The following ABCA13 variants were observed in gnomAD, a reference collection of about 807,000 sequenced individuals.
ABCA13 encodes ATP-binding cassette sub-family A member 13.
Under a neutral mutation model 478.7 loss-of-function variants are expected in ABCA13, and 476 were observed. That is an observed-to-expected ratio of 0.99 (90% CI 0.92 to 1.07). ABCA13 has a LOEUF of 1.07. Among genes scored for constraint, ABCA13 ranks in the 50% least tolerant of loss-of-function variants. The pLI, the probability that ABCA13 is intolerant of heterozygous loss-of-function variation, is 0.00. For missense variants in ABCA13, 6,060 were observed against 5,910.6 expected (o/e 1.03, Z -0.83); for synonymous variants, 2,252 against 2,158.9 (o/e 1.04, Z -1.20).
At chr7:48,631,275 A>AT (rs1355519206) in intron 59 of ABCA13, among the ~76,000 whole-genome samples, 1 of 151,872 alleles carries the variant, frequency 6.6e-6, no homozygotes, top group African/African-American at 2.4e-5. Context: ...TTCTTCTATG[A>AT]TTTTTTTAGT....
intron 59 of ABCA13, among the ~76,000 whole-genome samples, chr7:48,638,039 C>T (rs1297152997): frequency 6.6e-6 from 1 of 152,134 alleles, no homozygotes; most frequent in African/African-American, 2.4e-5. Flanking sequence ...CAGAATAGGG[C>T]CTTGCACAAG....
intron 55 of ABCA13, among the ~76,000 whole-genome samples, chr7:48,566,068 A>G (rs767002699): frequency 3.9e-5 from 6 of 152,112 alleles, no homozygotes; most frequent in Non-Finnish European, 7.4e-5. Context: ...TCAAATCAGG[A>G]CCATTGAGCT....
At chr7:48,400,382 C>A (rs539356975) in intron 38 of ABCA13, among the ~76,000 whole-genome samples, 1 of 152,316 alleles carries the variant, frequency 6.6e-6, no homozygotes, top group East Asian at 1.9e-4. Flanking sequence ...TTCTCTGGTG[C>A]ATAATTGGGT....
intron 3 of ABCA13, among the ~76,000 whole-genome samples, chr7:48,199,622 C>G (rs780248257): frequency 6.6e-6 from 1 of 152,114 alleles, no homozygotes; most frequent in Non-Finnish European, 1.5e-5. Flanking sequence ...TGAGACAAAT[C>G]ATATAGAAAT....
intron 41 of ABCA13, among the ~76,000 whole-genome samples, chr7:48,417,107 G>C (rs1820122212): frequency 6.6e-6 from 1 of 152,082 alleles, no homozygotes; most frequent in South Asian, 2.1e-4. Flanking sequence ...TGTTTCTAAA[G>C]TTTTGATTTT....
chr7:48,293,485 A>G (rs1213854450), intron 20 of ABCA13, among the ~76,000 whole-genome samples: 1 of 152,218 alleles, frequency 6.6e-6, no homozygotes, highest in Non-Finnish European at 1.5e-5. Context: ...ACCTGGAACT[A>G]TGCTTCCAAT....
chr7:48,510,965 TA>T, intron 50 of ABCA13, 118 bp from the exon 51 acceptor site: 2 of 835,094 alleles, frequency 2.4e-6, no homozygotes, highest in Non-Finnish European at 3.9e-6. Context: ...ACAGAACTCC[TA>T]ATGTGCAAAA....
At chr7:48,469,248 A>G (rs2130243375) in intron 44 of ABCA13, among the ~76,000 whole-genome samples, 1 of 152,348 alleles carries the variant, frequency 6.6e-6, no homozygotes, top group East Asian at 1.9e-4. Flanking sequence ...TACTCAGGAA[A>G]ATCTAGAAGG....
At position 48,278,480 on chromosome 7, in the gene ABCA13, C is replaced by T. The variant is rs754080025; in HGVS notation, c.7286C>T (p.Thr2429Ile). 2.5e-6 allele frequency: 4 copies of T among 1,613,972 alleles called. No individual in the cohort carries two copies. The highest frequency in any genetic ancestry group is 3.4e-6 in the Non-Finnish European group (4 of 1,179,872). Residue 2429 changes from threonine (T) to isoleucine (I), a missense_variant, in exon 18 of 62, where the codon ACA becomes ATA. Thr to Ile is a moderately conservative substitution (Grantham distance 89, BLOSUM62 -1). Around this residue, in one of 3 missense-constraint regions of ABCA13, gnomAD observed 4,423 missense variants for 4,309.1 expected, o/e 1.03. Coordinates refer to ENST00000435803, the MANE Select transcript of ABCA13 (RefSeq NM_152701.5). ...CSTEMARLLD[T>I]ILHSPNKDFY... The stretch of plus-strand genomic sequence containing the variant: ...ACAGAGATGGCAAGACTTCTGGATA[C>T]AATTTTACACTCTCCTAATAAGGAC...
At chr7:48,459,194 T>C (rs1207661865) in intron 43 of ABCA13, among the ~76,000 whole-genome samples, 1 of 152,216 alleles carries the variant, frequency 6.6e-6, no homozygotes, top group African/African-American at 2.4e-5. Context: ...CTGAGAGATA[T>C]AGTGTGAACA....
At chr7:48,312,141 G>T (rs1304388501) in intron 24 of ABCA13, among the ~76,000 whole-genome samples, 3 of 152,174 alleles carry the variant, frequency 2.0e-5, no homozygotes, top group Admixed American at 6.5e-5. Flanking sequence ...TGATCCCGGA[G>T]CCCTGAAAGT....
At chr7:48,172,472 C>G (rs1794222393) in intron 1 of ABCA13, among the ~76,000 whole-genome samples, 1 of 152,080 alleles carries the variant, frequency 6.6e-6, no homozygotes. Flanking sequence ...TCTTTAGGAT[C>G]AAAATAATTT....
chr7:48,230,373 T>C (rs941750200), intron 7 of ABCA13, among the ~76,000 whole-genome samples: 8 of 152,226 alleles, frequency 5.3e-5, no homozygotes, highest in African/African-American at 1.9e-4. Flanking sequence ...ACAGAGTCCC[T>C]AACTAAATAA....
chr7:48,299,154 A>G (rs1025417106), intron 23 of ABCA13, among the ~76,000 whole-genome samples: 3 of 152,226 alleles, frequency 2.0e-5, no homozygotes, highest in Admixed American at 1.3e-4. Context: ...AGATTTTCTG[A>G]GACAGCTTTC....
chr7:48,304,922 T>C (rs1262008232), intron 23 of ABCA13, among the ~76,000 whole-genome samples: 2 of 152,226 alleles, frequency 1.3e-5, no homozygotes, highest in Admixed American at 6.5e-5. Flanking sequence ...AAGATGTTTC[T>C]CTTTAGGAAT....
chr7:48,351,294 G>C (rs544642408), intron 30 of ABCA13, among the ~76,000 whole-genome samples: 1 of 152,300 alleles, frequency 6.6e-6, no homozygotes, highest in Admixed American at 6.5e-5. Context: ...ATATGGTGGT[G>C]CTCTCATATT....
At chr7:48,319,523 T>C (rs758918803) in intron 27 of ABCA13, among the ~76,000 whole-genome samples, 1 of 152,168 alleles carries the variant, frequency 6.6e-6, no homozygotes, top group South Asian at 2.1e-4. Flanking sequence ...AGCAATATTA[T>C]CTACAGTGTT....
chr7:48,607,797 T>C (rs1009357170), intron 58 of ABCA13, among the ~76,000 whole-genome samples: 2 of 152,222 alleles, frequency 1.3e-5, no homozygotes, highest in Non-Finnish European at 2.9e-5. Context: ...GTTTATTTTG[T>C]GTTTGTGTCT....
chr7:48,515,393 A>T (rs1414977465), intron 51 of ABCA13, among the ~76,000 whole-genome samples: 1 of 152,214 alleles, frequency 6.6e-6, no homozygotes, highest in East Asian at 1.9e-4. Context: ...GGAAGTTGCC[A>T]TGAGTGAAAC....
Sources: allele counts gnomAD v4.1 joint callset (sites outside exome capture counted in the v4.1 genomes callset), GRCh38; gene constraint gnomAD v4.1.1; regional missense constraint gnomAD v4.1.1; transcripts MANE v1.5; gene names NCBI Gene and HGNC (gene_info 2026-07-23, HGNC 2026-07-21).